Variants in RYK observed in about 807,000 individuals in gnomAD.
RYK encodes the protein inactive tyrosine-protein kinase RYK.
In RYK, 21 loss-of-function variants were observed where a neutral mutation model predicts 70.2. That is an observed-to-expected ratio of 0.30 (90% confidence interval 0.21 to 0.43). The LOEUF is 0.43. Ranked by LOEUF, RYK falls within the 20% of genes least tolerant of loss-of-function variation. The probability of loss-of-function intolerance (pLI) is 1.00; values close to 1 mark genes in which losing one functional copy is unlikely to be tolerated. For missense variants in RYK, 604 were observed against 753.3 expected (o/e 0.80, Z 2.32); for synonymous variants, 267 against 278.0 (o/e 0.96, Z 0.39).
At chr3:134,217,268 A>C (rs2014585544) in intron 2 of RYK, among the ~76,000 whole-genome samples, 1 of 152,192 alleles carries the variant, frequency 6.6e-6, no homozygotes, top group South Asian at 2.1e-4. Flanking sequence ...GTTTCTGATA[A>C]AGTATTAGAG....
intron 6 of RYK, among the ~76,000 whole-genome samples, chr3:134,196,839 T>A (rs1191124882): frequency 6.6e-6 from 1 of 152,086 alleles, no homozygotes; most frequent in Admixed American, 6.5e-5. Flanking sequence ...AAGATAGAAA[T>A]GTCCTGCAAT....
intron 13 of RYK, among the ~76,000 whole-genome samples, chr3:134,164,357 T>A (rs368120029): frequency 6.6e-6 from 1 of 152,246 alleles, no homozygotes; most frequent in South Asian, 2.1e-4. Flanking sequence ...ACAACCAAGA[T>A]AAGGAGCATA....
chr3:134,178,360 A>G (rs1230488109), intron 10 of RYK: 1 of 250,776 alleles, frequency 4.0e-6, no homozygotes, highest in South Asian at 8.6e-5. Flanking sequence ...TAACCACACT[A>G]TATCTTTACT....
At chr3:134,231,745 C>G (rs1199354431) in intron 1 of RYK, among the ~76,000 whole-genome samples, 1 of 152,194 alleles carries the variant, frequency 6.6e-6, no homozygotes, top group Non-Finnish European at 1.5e-5. Flanking sequence ...CCTGGATCGC[C>G]ATGGCCACTT....
intron 6 of RYK, among the ~76,000 whole-genome samples, chr3:134,201,094 T>C (rs754969096): frequency 2.0e-5 from 3 of 152,252 alleles, no homozygotes; most frequent in Non-Finnish European, 4.4e-5. Flanking sequence ...CAGTCACCTC[T>C]CTACCTGTAT....
chr3:134,196,150 C>A (rs1163297243), intron 6 of RYK, among the ~76,000 whole-genome samples: 4 of 152,216 alleles, frequency 2.6e-5, no homozygotes, highest in African/African-American at 9.6e-5. Flanking sequence ...AAGATTACTG[C>A]AAAGTAATGC....
intron 13 of RYK, among the ~76,000 whole-genome samples, chr3:134,168,776 TA>T (rs2012786529): frequency 6.6e-6 from 1 of 151,846 alleles, no homozygotes; most frequent in South Asian, 2.1e-4. Flanking sequence ...TAATAAAAAA[TA>T]AAATAATAAT....
chr3:134,189,503 G>A (rs747282712), intron 8 of RYK, among the ~76,000 whole-genome samples: 2 of 152,096 alleles, frequency 1.3e-5, no homozygotes, highest in African/African-American at 4.8e-5. Context: ...GCTCACGCCT[G>A]TAATCCCAGC....
chr3:134,189,759 AAC>A lies in RYK; in HGVS notation c.1016-838_1016-837del, dbSNP rs1270068885. Among the ~76,000 whole-genome samples the A allele has an allele frequency of 3.7e-3, 505 of 136,896 alleles. 1 individual carries two copies. Among genetic ancestry groups the A allele is most frequent in the East Asian group, 0.024 (101 of 4,218 alleles). 89.8% of individuals were successfully genotyped at this position (136,896 alleles called of 152,430 possible). ...CTCCGCCAAAAAAAAAAAAAAAAAA[AAC>A]AAAAAACAAAAACTCTTATAGTAAT... On this transcript the variant is annotated intron_variant, in intron 8 of 14. Transcript: ENST00000623711.
intron 1 of RYK, among the ~76,000 whole-genome samples, chr3:134,226,718 G>A (rs1207486608): frequency 3.3e-5 from 5 of 151,722 alleles, no homozygotes; most frequent in East Asian, 1.9e-4. Flanking sequence ...ATAAAAACCC[G>A]TATCATCTCG....
chr3:134,229,509 T>C (rs538890859), intron 1 of RYK, among the ~76,000 whole-genome samples: 9 of 151,996 alleles, frequency 5.9e-5, no homozygotes, highest in African/African-American at 2.2e-4. Context: ...TTTAAAACCT[T>C]ATCAAAATTT....
chr3:134,246,219 G>GT (rs2015460954), intron 1 of RYK, among the ~76,000 whole-genome samples: 1 of 148,162 alleles, frequency 6.7e-6, no homozygotes, highest in Admixed American at 6.8e-5. Context: ...AAAGAAATAC[G>GT]TAAGACATGA....
intron 9 of RYK, among the ~76,000 whole-genome samples, chr3:134,183,579 T>C (rs564249449): frequency 2.6e-4 from 40 of 152,306 alleles, no homozygotes; most frequent in East Asian, 3.9e-4. Flanking sequence ...CTATTAAGAA[T>C]TTGGGCAAGA....
intron 1 of RYK, 27 bp downstream of exon 1, chr3:134,250,396 C>A: frequency 7.4e-7 from 1 of 1,351,204 alleles, no homozygotes; most frequent in Non-Finnish European, 9.6e-7. Context: ...CCGACCTGCC[C>A]GCCCCGGCCT....
At chr3:134,176,138 C>G in intron 11 of RYK, 99 bp from the exon 12 acceptor site, 1 of 732,148 alleles carries the variant, frequency 1.4e-6, no homozygotes, top group Non-Finnish European at 2.4e-6. Context: ...TCCAAAAATA[C>G]TGCTTTAAAC....
chr3:134,198,880 C>T (rs1437376379), intron 6 of RYK, among the ~76,000 whole-genome samples: 2 of 152,066 alleles, frequency 1.3e-5, no homozygotes, highest in Non-Finnish European at 2.9e-5. Context: ...AACTCTGTCA[C>T]CAGTAATGGC....
chr3:134,202,666 GGGCTCCCACATATATAC>G (rs2014062001), intron 6 of RYK, 47 bp downstream of exon 6: 16 of 1,449,098 alleles, frequency 1.1e-5, no homozygotes, highest in Non-Finnish European at 1.4e-5. Flanking sequence ...CGATGTGTAT[GGGCTCCCACATATATAC>G]AAATAACTGC....
At chr3:134,247,215 G>A (rs2015488873) in intron 1 of RYK, among the ~76,000 whole-genome samples, 1 of 152,130 alleles carries the variant, frequency 6.6e-6, no homozygotes, top group Non-Finnish European at 1.5e-5. Context: ...CTACATTGGA[G>A]GATTTAAGAG....
At chr3:134,240,085 A>G (rs1282268808) in intron 1 of RYK, among the ~76,000 whole-genome samples, 1 of 152,256 alleles carries the variant, frequency 6.6e-6, no homozygotes, top group Non-Finnish European at 1.5e-5. Context: ...TTTATAAATC[A>G]GGAAAAGCTC....
Sources: gnomAD v4.1 joint callset for allele counts (sites outside exome capture counted in the v4.1 genomes callset) on GRCh38, gnomAD v4.1.1 for gene constraint, MANE v1.5 for transcripts, NCBI Gene and HGNC (gene_info 2026-07-23, HGNC 2026-07-21) for gene names.